DACH1: variants seen among roughly 807,000 people sequenced by gnomAD.
The protein encoded by DACH1 is dachshund family transcription factor 1, also known as dachshund homolog 1.
DACH1 carries 12 observed loss-of-function variants against 54.2 expected under a neutral mutation model. The observed-to-expected ratio is 0.22, with a 90% CI of 0.14 to 0.36. The LOEUF (loss-of-function observed/expected upper bound fraction) is 0.36. Ranked by LOEUF, DACH1 falls within the 10% of genes least tolerant of loss-of-function variation. The pLI is 1.00. For missense variants in DACH1, 805 were observed against 929.8 expected (o/e 0.87, Z 1.75); for synonymous variants, 386 against 366.2 (o/e 1.05, Z -0.62).
intron 6 of DACH1, among the ~76,000 whole-genome samples, chr13:71,519,080 A>G (rs1238851727): frequency 6.6e-6 from 1 of 151,820 alleles, no homozygotes; most frequent in African/African-American, 2.4e-5. Flanking sequence ...TATGTGTCCA[A>G]TAATCCCAAA....
chr13:71,866,212 A>G lies in DACH1; in HGVS notation c.558T>C (p.Asn186=). 1 of 1,612,186 alleles carries G rather than the reference A, an allele frequency of 6.2e-7. No homozygotes were observed. The highest frequency in any genetic ancestry group is 8.5e-7 in the Non-Finnish European group (1 of 1,179,230). The stretch of plus-strand genomic sequence containing the variant: ...CCCTCAGATCCACCATTTTGCACTC[A>G]TTATTCTGAGGGGTGTTTTCCACTG... The part of the protein sequence containing the change: ...PSPVENTPQN[N]ECKMVDLRGA... The change falls in exon 1 of 11, where the codon AAT becomes AAC. Residue 186 remains asparagine, a synonymous_variant. Transcript: ENST00000613252.
chr13:71,477,080 T>TA (rs375310936), intron 8 of DACH1, among the ~76,000 whole-genome samples: 729 of 45,980 alleles, frequency 0.016, 25 homozygotes, highest in East Asian at 0.039. Flanking sequence ...GTTTTTATTA[T>TA]TATATATATA....
intron 1 of DACH1, among the ~76,000 whole-genome samples, chr13:71,757,306 A>G (rs1441043536): frequency 6.6e-6 from 1 of 152,156 alleles, no homozygotes; most frequent in Non-Finnish European, 1.5e-5. Flanking sequence ...CACAAGCAAT[A>G]TAAGGAAATA....
At chr13:71,661,717 C>T (rs1879501296) in intron 2 of DACH1, among the ~76,000 whole-genome samples, 1 of 151,924 alleles carries the variant, frequency 6.6e-6, no homozygotes, top group African/African-American at 2.4e-5. Context: ...ATAACTATAA[C>T]ATTATCCTAA....
At chr13:71,775,109 A>C in intron 1 of DACH1, among the ~76,000 whole-genome samples, 1 of 126,590 alleles carries the variant, frequency 7.9e-6, no homozygotes, top group African/African-American at 3.1e-5. Context: ...ACAGAGCAAG[A>C]CTCCATCTCA....
chr13:71,610,589 A>G (rs1303113452), intron 3 of DACH1, among the ~76,000 whole-genome samples: 5 of 152,196 alleles, frequency 3.3e-5, no homozygotes, highest in African/African-American at 1.2e-4. Context: ...GATTCAATAC[A>G]TTAACATAAC....
At chr13:71,458,141 A>G (rs1875747445) in intron 10 of DACH1, among the ~76,000 whole-genome samples, 1 of 151,864 alleles carries the variant, frequency 6.6e-6, no homozygotes, top group Admixed American at 6.6e-5. Context: ...CTATATGAAT[A>G]CCTTTTATGT....
intron 2 of DACH1, among the ~76,000 whole-genome samples, chr13:71,642,452 A>G (rs1038291188): frequency 6.6e-5 from 10 of 152,344 alleles, no homozygotes; most frequent in East Asian, 1.9e-4. Context: ...ACAAGTACGT[A>G]TATCTCTTCT....
chr13:71,664,215 G>A (rs1879685292), intron 2 of DACH1, among the ~76,000 whole-genome samples: 1 of 151,892 alleles, frequency 6.6e-6, no homozygotes, highest in Admixed American at 6.6e-5. Flanking sequence ...TTCACTTTAA[G>A]ACAACTGTCA....
At chr13:71,672,281 C>T (rs1347402648) in intron 2 of DACH1, among the ~76,000 whole-genome samples, 1 of 152,036 alleles carries the variant, frequency 6.6e-6, no homozygotes, top group East Asian at 1.9e-4. Context: ...ACGTTTAAAT[C>T]AGTTCTTAAG....
chr13:71,825,239 A>T (rs1888334526), intron 1 of DACH1, among the ~76,000 whole-genome samples: 2 of 152,100 alleles, frequency 1.3e-5, no homozygotes, highest in Admixed American at 6.6e-5. Context: ...TAAACTGCAC[A>T]GGTGATAATT....
At chr13:71,644,851 G>C (rs1020193678) in intron 2 of DACH1, among the ~76,000 whole-genome samples, 4 of 152,194 alleles carry the variant, frequency 2.6e-5, no homozygotes, top group African/African-American at 9.6e-5. Flanking sequence ...ACAGCTGGAA[G>C]GCAATGAGTT....
chr13:71,485,575 C>CTTTTTTTTTTTTTT (rs68024614), intron 7 of DACH1, among the ~76,000 whole-genome samples: 29 of 46,152 alleles, frequency 6.3e-4, no homozygotes, highest in African/African-American at 1.5e-3. Flanking sequence ...TTCTTTTCTT[C>CTTTTTTTTTTTTTT]TTTTTTTTTT....
At chr13:71,600,849 T>C (rs76665527) in intron 3 of DACH1, among the ~76,000 whole-genome samples, 2,720 of 152,176 alleles carry the variant, frequency 0.018, 86 homozygotes, top group African/African-American at 0.061. Flanking sequence ...AAACTGACTT[T>C]TCATTAGAAT....
chr13:71,590,360 G>A (rs1034357294), intron 3 of DACH1, among the ~76,000 whole-genome samples: 1 of 152,066 alleles, frequency 6.6e-6, no homozygotes, highest in South Asian at 2.1e-4. Context: ...CTTAATAAAG[G>A]AAAGCCTTGC....
At chr13:71,554,315 A>G (rs1451488290) in intron 6 of DACH1, among the ~76,000 whole-genome samples, 1 of 152,106 alleles carries the variant, frequency 6.6e-6, no homozygotes, top group Non-Finnish European at 1.5e-5. Context: ...TTGAGATTAC[A>G]TATACACATT....
chr13:71,825,884 A>C (rs1472581211), intron 1 of DACH1, among the ~76,000 whole-genome samples: 1 of 152,120 alleles, frequency 6.6e-6, no homozygotes, highest in East Asian at 1.9e-4. Context: ...AGAATCTATA[A>C]TATTTTGCTT....
At chr13:71,704,974 C>A (rs1161127897) in intron 1 of DACH1, among the ~76,000 whole-genome samples, 1 of 151,950 alleles carries the variant, frequency 6.6e-6, no homozygotes, top group Non-Finnish European at 1.5e-5. Context: ...AAATAAAATA[C>A]AAAAATAAAA....
In DACH1 at chr13:71,757,731, C is replaced by T. The variant is rs867532172; in HGVS notation, c.849-75821G>A. ...AGAGATGGGGCTTCACCATGTTGGCCAGGCTGATCTTGATCTCCTGACCTC... is the reference window on the plus strand; with the variant it reads ...AGAGATGGGGCTTCACCATGTTGGCTAGGCTGATCTTGATCTCCTGACCTC... On this transcript the variant is annotated intron_variant, in intron 1 of 10. Coordinates refer to ENST00000613252, the MANE Select transcript of DACH1 (RefSeq NM_080759.6). Among the ~76,000 whole-genome samples, 7 of 152,174 alleles carry T rather than the reference C, an allele frequency of 4.6e-5. No individual in the cohort carries two copies. The South Asian group carries it at 1.0e-3, about 23-fold the overall frequency.
Sources: allele counts gnomAD v4.1 joint callset (sites outside exome capture counted in the v4.1 genomes callset), GRCh38; gene constraint gnomAD v4.1.1; transcripts MANE v1.5; gene names NCBI Gene and HGNC (gene_info 2026-07-23, HGNC 2026-07-21).